Variants in THSD7A observed in about 807,000 individuals in gnomAD.
THSD7A encodes the protein thrombospondin type 1 domain containing 7A, also known as thrombospondin type-1 domain-containing protein 7A.
In THSD7A, 96 loss-of-function variants were observed where a neutral mutation model predicts 231.3. The ratio of observed to expected loss-of-function variants is 0.41; its 90% CI spans 0.35 to 0.49. The LOEUF is 0.49. Ranked by LOEUF, THSD7A falls within the 20% of genes least tolerant of loss-of-function variation. THSD7A has a pLI of 0.05. For missense variants in THSD7A, 2,290 were observed against 2,070.2 expected (o/e 1.11, Z -2.06); for synonymous variants, 940 against 743.3 (o/e 1.26, Z -4.30).
intron 1 of THSD7A, among the ~76,000 whole-genome samples, chr7:11,743,366 C>A (rs187433037): frequency 4.9e-4 from 74 of 151,960 alleles, no homozygotes; most frequent in South Asian, 6.2e-4. Flanking sequence ...TGAGAATATT[C>A]ACCTTGACCT....
chr7:11,756,214 C>T (rs1328090732), intron 1 of THSD7A, among the ~76,000 whole-genome samples: 1 of 152,020 alleles, frequency 6.6e-6, no homozygotes, highest in Non-Finnish European at 1.5e-5. Flanking sequence ...TTCTTAATTA[C>T]TCATAAATCT....
intron 19 of THSD7A, among the ~76,000 whole-genome samples, chr7:11,407,648 T>A (rs1583684182): frequency 6.6e-6 from 1 of 152,218 alleles, no homozygotes; most frequent in Non-Finnish European, 1.5e-5. Flanking sequence ...ATTGAATCTA[T>A]ACTTATGTAT....
At chr7:11,771,829 A>G (rs563334124) in intron 1 of THSD7A, among the ~76,000 whole-genome samples, 10 of 152,298 alleles carry the variant, frequency 6.6e-5, no homozygotes, top group Middle Eastern at 3.4e-3. Context: ...GTTTAGCACC[A>G]TCTCCTTGCT....
chr7:11,485,912 G>A lies in THSD7A; in HGVS notation c.1823-3930C>T, dbSNP rs1168210353. On this transcript the variant is annotated intron_variant, in intron 6 of 27. Transcript: ENST00000423059. ...ACAGCAACTGATCTATGAGAATATG[G>A]AATAATTAAATTTTTGATTTTGCTT... is the stretch of plus-strand genomic sequence containing the variant. Among the ~76,000 whole-genome samples, 3 of 152,268 alleles carry A rather than the reference G, an allele frequency of 2.0e-5. No homozygotes were observed. The East Asian group carries it at 5.8e-4, about 29-fold the overall frequency.
chr7:11,683,577 A>G (rs1352311854), intron 1 of THSD7A, among the ~76,000 whole-genome samples: 1 of 152,108 alleles, frequency 6.6e-6, no homozygotes, highest in African/African-American at 2.4e-5. Flanking sequence ...AAAGATCCTC[A>G]GATTCTACTA....
intron 6 of THSD7A, among the ~76,000 whole-genome samples, chr7:11,485,655 A>T (rs1786625711): frequency 6.6e-6 from 1 of 152,184 alleles, no homozygotes; most frequent in South Asian, 2.1e-4. Context: ...TTTCACCAAT[A>T]CCCCAATCTG....
At chr7:11,666,561 T>C (rs1426537748) in intron 1 of THSD7A, among the ~76,000 whole-genome samples, 2 of 152,040 alleles carry the variant, frequency 1.3e-5, no homozygotes, top group Non-Finnish European at 2.9e-5. Context: ...GTGATGGGTA[T>C]TGGAGACCAC....
chr7:11,657,911 T>G (rs1782769301), intron 1 of THSD7A, among the ~76,000 whole-genome samples: 1 of 151,722 alleles, frequency 6.6e-6, no homozygotes, highest in African/African-American at 2.4e-5. Flanking sequence ...AAAATAATAT[T>G]TTTACATTCC....
intron 1 of THSD7A, chr7:11,751,158 T>G (rs17165166): frequency 0.21 from 31,709 of 151,882 alleles, 4,444 homozygotes; most frequent in African/African-American, 0.4. Flanking sequence ...CTTTCCCAAT[T>G]ACCGCCAGAT....
At chr7:11,772,039 A>C (rs755339774) in intron 1 of THSD7A, among the ~76,000 whole-genome samples, 1 of 152,172 alleles carries the variant, frequency 6.6e-6, no homozygotes, top group African/African-American at 2.4e-5. Flanking sequence ...CAGCCTGCAG[A>C]ACTGTGAGCC....
At chr7:11,648,637 C>CGTGTGTGT (rs3031455) in intron 1 of THSD7A, among the ~76,000 whole-genome samples, 3,582 of 141,098 alleles carry the variant, frequency 0.025, 109 homozygotes, top group African/African-American at 0.059. Flanking sequence ...TATTTTGTGG[C>CGTGTGTGT]GTGTGTGTGT....
chr7:11,755,447 C>T (rs1326994938), intron 1 of THSD7A, among the ~76,000 whole-genome samples: 1 of 152,012 alleles, frequency 6.6e-6, no homozygotes, highest in African/African-American at 2.4e-5. Context: ...TTGGACACTA[C>T]AAGATAGTAA....
intron 1 of THSD7A, among the ~76,000 whole-genome samples, chr7:11,765,802 C>T (rs1014788290): frequency 6.6e-6 from 1 of 152,066 alleles, no homozygotes; most frequent in African/African-American, 2.4e-5. Flanking sequence ...CCTGTACATA[C>T]CCTGAACATG....
intron 6 of THSD7A, among the ~76,000 whole-genome samples, chr7:11,532,339 A>G (rs1381152825): frequency 6.6e-6 from 1 of 152,174 alleles, no homozygotes; most frequent in East Asian, 1.9e-4. Context: ...TTTGTTATGT[A>G]GTATACGTAG....
chr7:11,387,185 G>C (rs1782781308), intron 23 of THSD7A, among the ~76,000 whole-genome samples: 1 of 152,114 alleles, frequency 6.6e-6, no homozygotes, highest in African/African-American at 2.4e-5. Flanking sequence ...GATTGTCTTG[G>C]CTATGCGGGC....
At chr7:11,521,186 ATACT>A (rs1345665203) in intron 6 of THSD7A, among the ~76,000 whole-genome samples, 1 of 151,714 alleles carries the variant, frequency 6.6e-6, no homozygotes, top group African/African-American at 2.4e-5. Context: ...GAATACATAC[ATACT>A]AAGACAAATA....
intron 23 of THSD7A, among the ~76,000 whole-genome samples, chr7:11,400,881 C>T (rs1447948706): frequency 6.6e-6 from 1 of 152,098 alleles, no homozygotes; most frequent in East Asian, 1.9e-4. Context: ...TTGTTGAGCC[C>T]CACACCCTCT....
intron 1 of THSD7A, among the ~76,000 whole-genome samples, chr7:11,707,433 A>G (rs1347056021): frequency 6.6e-6 from 1 of 150,916 alleles, no homozygotes; most frequent in Non-Finnish European, 1.5e-5. Context: ...CTGAACCTGT[A>G]TATATAACTC....
In THSD7A at chr7:11,634,767, A is replaced by C. The variant is rs775668697; in HGVS notation, c.1022+1363T>G. 8.5e-5 allele frequency among the ~76,000 whole-genome samples: 13 copies of C among 152,058 alleles called. No homozygotes were observed. The highest frequency in any genetic ancestry group is 1.9e-4 in the Non-Finnish European group (13 of 68,018). The stretch of plus-strand genomic sequence containing the variant: ...GCAATCGTGTCAATACAAAGAGGGG[A>C]GAGAGTAGCAAAAATTCCAAAAAAC... On this transcript the variant is annotated intron_variant, in intron 2 of 27. Transcript: ENST00000423059. This position sits in a 1 kb window ranked among gnomAD's most constrained non-coding sequence, Gnocchi z 4.1.
Sources: gnomAD v4.1 joint callset for allele counts (sites outside exome capture counted in the v4.1 genomes callset) on GRCh38, gnomAD v4.1.1 for gene constraint, Gnocchi (gnomAD v3.1) non-coding constraint, MANE v1.5 for transcripts, NCBI Gene and HGNC (gene_info 2026-07-23, HGNC 2026-07-21) for gene names.